GULP1: variants seen among roughly 807,000 people sequenced by gnomAD.
The protein encoded by GULP1 is PTB domain-containing engulfment adapter protein 1.
In GULP1, 19 loss-of-function variants were observed where a neutral mutation model predicts 40.9. The ratio of observed to expected loss-of-function variants is 0.46; its 90% CI spans 0.32 to 0.68. The LOEUF (loss-of-function observed/expected upper bound fraction) is 0.68, where lower values mean the gene tolerates loss of function less well. Among genes scored for constraint, GULP1 ranks in the 30% least tolerant of loss-of-function variants. GULP1 has a pLI of 0.03. For synonymous variants in GULP1, 119 were observed against 117.6 expected (o/e 1.01, Z -0.08); for missense variants, 312 against 362.2 (o/e 0.86, Z 1.12).
At chr2:188,372,793 T>G (rs914611809) in intron 1 of GULP1, among the ~76,000 whole-genome samples, 1 of 152,018 alleles carries the variant, frequency 6.6e-6, no homozygotes, top group African/African-American at 2.4e-5. Context: ...CATTGGGTCT[T>G]GGAAGACTGA....
chr2:188,520,132 T>C (rs1286186584), intron 4 of GULP1, among the ~76,000 whole-genome samples: 1 of 152,208 alleles, frequency 6.6e-6, no homozygotes, highest in African/African-American at 2.4e-5. Flanking sequence ...CTTTGGTCTT[T>C]TATGTATGCC....
chr2:188,589,909 TTTAAGA>T (rs1437104678), intron 11 of GULP1: 1 of 407,928 alleles, frequency 2.5e-6, no homozygotes, highest in Non-Finnish European at 4.4e-6. Context: ...TAAACCACAT[TTTAAGA>T]TTATTTTTCA....
intron 1 of GULP1, among the ~76,000 whole-genome samples, chr2:188,353,966 G>A (rs777038949): frequency 2.0e-5 from 3 of 152,040 alleles, no homozygotes; most frequent in Non-Finnish European, 4.4e-5. Flanking sequence ...AAACAGTGCA[G>A]TGGATGAACT....
intron 6 of GULP1, among the ~76,000 whole-genome samples, chr2:188,532,424 G>A (rs10931365): frequency 0.97 from 148,296 of 152,296 alleles, 72,340 homozygotes; most frequent in East Asian, 1. Flanking sequence ...ACTAACTACC[G>A]CTACAAGATG....
intron 1 of GULP1, among the ~76,000 whole-genome samples, chr2:188,383,200 G>T (rs187787570): frequency 3.1e-4 from 47 of 152,220 alleles, no homozygotes; most frequent in African/African-American, 1.1e-3. Flanking sequence ...TACCCAGAAA[G>T]AATTTTTGTT....
intron 1 of GULP1, among the ~76,000 whole-genome samples, chr2:188,379,658 C>T (rs572181059): frequency 1.8e-3 from 274 of 152,298 alleles, no homozygotes; most frequent in African/African-American, 6.1e-3. Flanking sequence ...ATCATACTTC[C>T]ATCACCTTTA....
intron 2 of GULP1, among the ~76,000 whole-genome samples, chr2:188,454,143 T>G (rs186940538): frequency 6.6e-6 from 1 of 152,324 alleles, no homozygotes; most frequent in Non-Finnish European, 1.5e-5. Flanking sequence ...GCTCCCAAGC[T>G]CTTGTCCTAT....
chr2:188,475,104 T>C (rs1363041903), intron 2 of GULP1, among the ~76,000 whole-genome samples: 1 of 152,210 alleles, frequency 6.6e-6, no homozygotes, highest in Admixed American at 6.6e-5. Flanking sequence ...GTTGGGGTAC[T>C]GAACAAAGTA....
Position 188,292,506 on chromosome 2 carries a change from CTT to C in GULP1, c.-172+342_-172+343del, listed in dbSNP as rs748699468. Among the ~76,000 whole-genome samples the C allele has an allele frequency of 2.2e-4, 33 of 152,282 alleles. No homozygotes were observed. The highest frequency in any genetic ancestry group is 3.5e-4 in the Non-Finnish European group (24 of 68,012). On this transcript the variant is annotated intron_variant, in intron 1 of 11. Coordinates refer to ENST00000409830, the MANE Select transcript of GULP1 (RefSeq NM_016315.4). This position sits in a 1 kb window ranked among gnomAD's most constrained non-coding sequence, Gnocchi z 4.0. ...AAACCTCCTTAGCCTTTTGTGGTAACTTTGGTCCGGCGGCGGGGGGCCGGTGA... is the reference window on the plus strand; with the variant it reads ...AAACCTCCTTAGCCTTTTGTGGTAACTGGTCCGGCGGCGGGGGGCCGGTGA...
At chr2:188,567,267 G>T (rs893564141) in intron 7 of GULP1, among the ~76,000 whole-genome samples, 3 of 152,208 alleles carry the variant, frequency 2.0e-5, no homozygotes, top group Admixed American at 6.5e-5. Context: ...TTGACCCAGA[G>T]ATCTCATTAC....
chr2:188,463,710 C>T (rs947527650), intron 2 of GULP1, among the ~76,000 whole-genome samples: 1 of 151,300 alleles, frequency 6.6e-6, no homozygotes, highest in Non-Finnish European at 1.5e-5. Flanking sequence ...TCGTTTTTCT[C>T]CTCTGACTGT....
intron 1 of GULP1, among the ~76,000 whole-genome samples, chr2:188,294,612 A>G (rs745649417): frequency 6.6e-6 from 1 of 152,146 alleles, no homozygotes; most frequent in Admixed American, 6.6e-5. Flanking sequence ...AAACAAACAA[A>G]CTAATGTGGT....
intron 1 of GULP1, among the ~76,000 whole-genome samples, chr2:188,322,606 C>G (rs1425945169): frequency 6.6e-6 from 1 of 152,076 alleles, no homozygotes; most frequent in African/African-American, 2.4e-5. Flanking sequence ...CACTGCAATT[C>G]TTCTCTACCT....
At chr2:188,389,403 A>T (rs1196267889) in intron 2 of GULP1, among the ~76,000 whole-genome samples, 1 of 152,192 alleles carries the variant, frequency 6.6e-6, no homozygotes, top group Non-Finnish European at 1.5e-5. Flanking sequence ...ACAAAACAAA[A>T]ATATAAATAA....
intron 1 of GULP1, among the ~76,000 whole-genome samples, chr2:188,363,900 T>G (rs527411452): frequency 2.6e-4 from 39 of 152,310 alleles, no homozygotes; most frequent in African/African-American, 8.7e-4. Context: ...CAGTAGTCCC[T>G]GCTGATCATA....
intron 2 of GULP1, among the ~76,000 whole-genome samples, chr2:188,475,412 C>G (rs1363790510): frequency 1.3e-5 from 2 of 151,500 alleles, no homozygotes; most frequent in Non-Finnish European, 2.9e-5. Context: ...TGTTGTTATT[C>G]TTGTTCCATT....
At chr2:188,414,369 TTTAAAA>T (rs2054310266) in intron 2 of GULP1, among the ~76,000 whole-genome samples, 1 of 152,326 alleles carries the variant, frequency 6.6e-6, no homozygotes, top group Non-Finnish European at 1.5e-5. Flanking sequence ...CATGAATACT[TTTAAAA>T]ATAGGAATAT....
At chr2:188,309,048 G>A (rs2037622058) in intron 1 of GULP1, among the ~76,000 whole-genome samples, 1 of 152,104 alleles carries the variant, frequency 6.6e-6, no homozygotes, top group Non-Finnish European at 1.5e-5. Context: ...AACATCCATA[G>A]TTAACATTTA....
At chr2:188,539,486 G>A (rs2153306293) in intron 6 of GULP1, among the ~76,000 whole-genome samples, 1 of 152,210 alleles carries the variant, frequency 6.6e-6, no homozygotes, top group Admixed American at 6.5e-5. Context: ...GTCCATCGAT[G>A]CTTTCTGTAT....
Sources: allele counts gnomAD v4.1 joint callset (sites outside exome capture counted in the v4.1 genomes callset), GRCh38; gene constraint gnomAD v4.1.1; non-coding constraint Gnocchi (gnomAD v3.1); transcripts MANE v1.5; gene names NCBI Gene and HGNC (gene_info 2026-07-23, HGNC 2026-07-21).